LAMA1: variants seen among roughly 807,000 people sequenced by gnomAD.
The protein encoded by LAMA1 is laminin subunit alpha 1.
Under a neutral mutation model 348.7 loss-of-function variants are expected in LAMA1, and 219 were observed. The observed-to-expected ratio is 0.63, with a 90% CI of 0.56 to 0.70. LAMA1 has a LOEUF of 0.70. Ranked by LOEUF, LAMA1 falls within the 30% of genes least tolerant of loss-of-function variation. The pLI, the probability that LAMA1 is intolerant of heterozygous loss-of-function variation, is 0.00. For missense variants in LAMA1, 3,744 were observed against 3,888.0 expected (o/e 0.96, Z 0.99); for synonymous variants, 1,487 against 1,491.0 (o/e 1.00, Z 0.06).
chr18:7,086,688 G>A (rs763414620), intron 1 of LAMA1, among the ~76,000 whole-genome samples: 6 of 152,128 alleles, frequency 3.9e-5, no homozygotes, highest in Non-Finnish European at 8.8e-5. Flanking sequence ...GTGGAAGAAT[G>A]AGTAAGTGAA....
chr18:7,047,712 G>C (rs551606292), intron 5 of LAMA1, among the ~76,000 whole-genome samples: 1 of 152,196 alleles, frequency 6.6e-6, no homozygotes, highest in South Asian at 2.1e-4. Flanking sequence ...TAGAACAGTA[G>C]AGAGTCCAGA....
chr18:7,034,596 A>C lies in LAMA1; in HGVS notation c.1934T>G (p.Phe645Cys). ...CTGCCTTTTGCTGTGAAAATCTTGG[A>C]AGTTTTCAGGCACAAGTCTAACCAC... ...LNVVRLVPEN[F>C]QDFHSKRQID... The change falls in exon 14 of 63, where the codon TTC becomes TGC. Residue 645 changes from phenylalanine to cysteine, a missense_variant. Around this residue, in one of 3 missense-constraint regions of LAMA1, gnomAD observed 1,529 missense variants for 1,689.4 expected, o/e 0.91. Coordinates refer to ENST00000389658, the MANE Select transcript of LAMA1 (RefSeq NM_005559.4). The C allele has an allele frequency of 1.2e-6, 2 of 1,614,172 alleles. No homozygotes were observed. Among genetic ancestry groups the C allele is most frequent in the South Asian group, 2.2e-5 (2 of 91,082 alleles).
At chr18:7,007,470 C>CAA (rs201834015) in intron 28 of LAMA1, among the ~76,000 whole-genome samples, 194 bp from the exon 29 acceptor site, 332 of 132,154 alleles carry the variant, frequency 2.5e-3, no homozygotes, top group Middle Eastern at 4.0e-3. Context: ...TATCAACTAT[C>CAA]AAAAAAAAAA....
intron 26 of LAMA1, among the ~76,000 whole-genome samples, chr18:7,009,793 G>C (rs2057850999): frequency 6.6e-6 from 1 of 152,088 alleles, no homozygotes; most frequent in South Asian, 2.1e-4. Flanking sequence ...TGGAGATCTT[G>C]CTAATCTCAC....
At position 7,025,991 on chromosome 18, in the gene LAMA1, A is replaced by G. The variant is rs781263791; in HGVS notation, c.2390T>C (p.Ile797Thr). 2 of 1,608,482 alleles carry G rather than the reference A, an allele frequency of 1.2e-6. No individual in the cohort carries two copies. Among genetic ancestry groups the G allele is most frequent in the South Asian group, 2.2e-5 (2 of 89,788 alleles). The part of the protein sequence containing the change: ...DCQPCACPLT[I>T]ASNNFSPTCH... ...GTCCGAGGCTTACTTGTTGGAGGCT[A>G]TGGTGAGAGGGCAGGCGCAGGGCTG... Residue 797 changes from isoleucine to threonine, a missense_variant, in exon 17 of 63, where the codon ATA (isoleucine) becomes ACA (threonine). By Grantham distance (89) the Ile-to-Thr change is moderately conservative (BLOSUM62 -1). Around this residue, in one of 3 missense-constraint regions of LAMA1, gnomAD observed 1,529 missense variants for 1,689.4 expected, o/e 0.91. Coordinates refer to ENST00000389658, the MANE Select transcript of LAMA1 (RefSeq NM_005559.4).
chr18:6,973,072 A>G lies in LAMA1; in HGVS notation c.6759T>C (p.Leu2253=). 1 of 1,614,164 alleles carries G rather than the reference A, an allele frequency of 6.2e-7. No homozygotes were observed. The highest frequency in any genetic ancestry group is 8.5e-7 in the Non-Finnish European group (1 of 1,179,996). Residue 2253 remains leucine (L), a synonymous_variant, in exon 47 of 63, where the codon CTT becomes CTC. Coordinates refer to ENST00000389658, the MANE Select transcript of LAMA1 (RefSeq NM_005559.4). The part of the protein sequence containing the change: ...NNSTLMFVGG[L]GGQIKKSPAV... ...GTAATGTTACCTTGATTTGTCCTCC[A>G]AGACCTCCAACAAACATGAGTGTTG... is the stretch of plus-strand genomic sequence containing the variant.
Position 7,008,508 on chromosome 18 carries a change from T to G in LAMA1, c.4102A>C (p.Thr1368Pro), listed in dbSNP as rs745539055. The G allele has an allele frequency of 6.2e-7, 1 of 1,614,112 alleles. No homozygotes were observed. Among genetic ancestry groups the G allele is most frequent in the East Asian group, 2.2e-5 (1 of 44,864 alleles). ...LLENCVCPPGTVGFSCQDCAP... is the reference protein window; with the variant it reads ...LLENCVCPPGPVGFSCQDCAP... ...CGTACCTGACATGAGAATCCCACAG[T>G]GCCAGGAGGACAGACACAATTCTCT... The change falls in exon 28 of 63, where the codon ACT becomes CCT. Residue 1368 changes from threonine (T) to proline (P), a missense_variant. This residue lies in a region of LAMA1 where 1,983 missense variants were observed against 1,934.3 expected (regional missense o/e 1.03). Coordinates refer to ENST00000389658, the MANE Select transcript of LAMA1 (RefSeq NM_005559.4).
At chr18:7,089,487 T>G in intron 1 of LAMA1, among the ~76,000 whole-genome samples, 1 of 152,174 alleles carries the variant, frequency 6.6e-6, no homozygotes, top group East Asian at 1.9e-4. Flanking sequence ...CCCGTGCATC[T>G]CAGGAACAAG....
At chr18:6,970,146 G>A (rs1288266554) in intron 48 of LAMA1, among the ~76,000 whole-genome samples, 2 of 152,230 alleles carry the variant, frequency 1.3e-5, no homozygotes, top group Non-Finnish European at 2.9e-5. Context: ...GGAAAAAGTG[G>A]CGGATCAGAG....
chr18:7,011,544 T>G, intron 24 of LAMA1, 65 bp from the exon 25 acceptor site: 1 of 1,414,338 alleles, frequency 7.1e-7, no homozygotes, highest in Non-Finnish European at 9.8e-7. Flanking sequence ...GTTTCATTCT[T>G]TAGATTCCAT....
Position 6,943,365 on chromosome 18 carries a change from G to A in LAMA1, c.8882C>T (p.Thr2961Ile), listed in dbSNP as rs746356756. ...FHVNNGAGRI[T>I]AAYEPKTATV... ...GGCGGTTTTGGGCTCATATGCAGCT[G>A]TTATCCTGCCAGCACCATTGTTGAC... The change falls in exon 62 of 63, where the codon ACA becomes ATA. Residue 2961 changes from threonine to isoleucine, a missense_variant. By Grantham distance (89) the Thr-to-Ile change is moderately conservative (BLOSUM62 -1). This residue lies in a region of LAMA1 where 232 missense variants were observed against 264.4 expected (regional missense o/e 0.88). Coordinates refer to ENST00000389658, the MANE Select transcript of LAMA1 (RefSeq NM_005559.4). 5.6e-6 allele frequency: 9 copies of A among 1,614,034 alleles called. No homozygotes were observed. The highest frequency in any genetic ancestry group is 7.6e-6 in the Non-Finnish European group (9 of 1,180,046).
chr18:6,943,459 A>G (rs1232809006), intron 61 of LAMA1, 57 bp from the exon 62 acceptor site: 4 of 1,380,038 alleles, frequency 2.9e-6, no homozygotes. Context: ...GTCCATTTGT[A>G]TAAGCTCTTG....
intron 25 of LAMA1, 39 bp from the exon 26 acceptor site, chr18:7,010,424 G>A (rs776993016): frequency 1.3e-6 from 2 of 1,586,892 alleles, no homozygotes; most frequent in East Asian, 2.2e-5. Flanking sequence ...CTCTGACAAA[G>A]CTTTCATTCA....
intron 3 of LAMA1, among the ~76,000 whole-genome samples, chr18:7,062,894 A>G (rs1175809711): frequency 6.6e-6 from 1 of 152,296 alleles, no homozygotes; most frequent in East Asian, 1.9e-4. Context: ...GCGATGGTGA[A>G]GAGCTTACAG....
At chr18:7,104,914 G>C (rs75199685) in intron 1 of LAMA1, among the ~76,000 whole-genome samples, 2 of 152,180 alleles carry the variant, frequency 1.3e-5, no homozygotes, top group African/African-American at 2.4e-5. Flanking sequence ...GGTTCAGTGC[G>C]ATACCTCCCC....
At chr18:7,015,212 G>A (rs368075178) in intron 22 of LAMA1, among the ~76,000 whole-genome samples, 5 of 152,164 alleles carry the variant, frequency 3.3e-5, no homozygotes, top group African/African-American at 1.2e-4. Flanking sequence ...AGAATAAGGT[G>A]TCTTAAGGGT....
chr18:7,099,095 G>A (rs966958511), intron 1 of LAMA1, among the ~76,000 whole-genome samples: 1 of 151,822 alleles, frequency 6.6e-6, no homozygotes, highest in Non-Finnish European at 1.5e-5. Context: ...AAGTAGACAT[G>A]GGAGACTTTT....
At chr18:7,100,651 A>T (rs749012856) in intron 1 of LAMA1, among the ~76,000 whole-genome samples, 4 of 152,240 alleles carry the variant, frequency 2.6e-5, no homozygotes, top group African/African-American at 4.8e-5. Context: ...AAAGTAGAAC[A>T]TTATTGACAT....
intron 1 of LAMA1, among the ~76,000 whole-genome samples, chr18:7,100,408 A>C (rs1477681983): frequency 6.6e-6 from 1 of 152,162 alleles, no homozygotes; most frequent in African/African-American, 2.4e-5. Context: ...GTAGGGCTGT[A>C]AAACAGTGCA....
Sources: gnomAD v4.1 joint callset for allele counts (sites outside exome capture counted in the v4.1 genomes callset) on GRCh38, gnomAD v4.1.1 for gene constraint, gnomAD v4.1.1 regional missense constraint, MANE v1.5 for transcripts, NCBI Gene and HGNC (gene_info 2026-07-23, HGNC 2026-07-21) for gene names.